Variants in DIS3L2 observed in about 807,000 individuals in gnomAD.
DIS3L2 encodes DIS3-like exonuclease 2.
In DIS3L2, 34 loss-of-function variants were observed where a neutral mutation model predicts 97.5. The ratio of observed to expected loss-of-function variants is 0.35; its 90% CI spans 0.27 to 0.46. The LOEUF (loss-of-function observed/expected upper bound fraction) is 0.46, where lower values mean the gene tolerates loss of function less well. Ranked by LOEUF, DIS3L2 falls within the 20% of genes least tolerant of loss-of-function variation. The probability of loss-of-function intolerance (pLI) is 1.00; values close to 1 mark genes in which losing one functional copy is unlikely to be tolerated. For missense variants in DIS3L2, 1,038 were observed against 1,146.0 expected (o/e 0.91, Z 1.36); for synonymous variants, 435 against 445.2 (o/e 0.98, Z 0.29).
At chr2:232,049,440 AG>A (rs1695340203) in intron 5 of DIS3L2, among the ~76,000 whole-genome samples, 1 of 152,144 alleles carries the variant, frequency 6.6e-6, no homozygotes, top group Admixed American at 6.5e-5. Flanking sequence ...TCATGAGGGT[AG>A]AGCCCTACTG....
At chr2:232,012,472 T>G (rs1159230814) in intron 1 of DIS3L2, among the ~76,000 whole-genome samples, 1 of 148,556 alleles carries the variant, frequency 6.7e-6, no homozygotes, top group African/African-American at 2.4e-5. Context: ...GATTGACATG[T>G]AGTGCCCCAT....
chr2:232,181,533 A>G (rs1475962829), intron 9 of DIS3L2, among the ~76,000 whole-genome samples: 1 of 151,876 alleles, frequency 6.6e-6, no homozygotes, highest in Non-Finnish European at 1.5e-5. Flanking sequence ...TTTTTTCTCT[A>G]AACTTCCCTT....
chr2:232,160,077 T>TTAG (rs1690607335), intron 8 of DIS3L2, among the ~76,000 whole-genome samples: 1 of 152,244 alleles, frequency 6.6e-6, no homozygotes, highest in Non-Finnish European at 1.5e-5. Flanking sequence ...ATGAGAGGTA[T>TTAG]TGATCTCATT....
Position 232,336,987 on chromosome 2 carries a change from T to A in DIS3L2, c.*357T>A, listed in dbSNP as rs1255220411. 4.5e-6 allele frequency: 5 copies of A among 1,118,906 alleles called. No individual in the cohort carries two copies. Among genetic ancestry groups the A allele is most frequent in the Non-Finnish European group, 5.5e-6 (5 of 910,910 alleles). 69.3% of individuals were successfully genotyped at this position (1,118,906 alleles called of 1,614,324 possible). On this transcript the variant is annotated 3_prime_UTR_variant, in exon 21 of 21. Transcript: ENST00000325385. ...CAAGTGTGGAGTGCCATCTGGTGTGTAGGGCGCCTCTGGGAAGCCTGGGCA... is the reference window on the plus strand; with the variant it reads ...CAAGTGTGGAGTGCCATCTGGTGTGAAGGGCGCCTCTGGGAAGCCTGGGCA...
chr2:232,288,942 A>T (rs761267176), intron 13 of DIS3L2, among the ~76,000 whole-genome samples: 3 of 152,228 alleles, frequency 2.0e-5, no homozygotes, highest in Non-Finnish European at 4.4e-5. Context: ...AAAGACAGAA[A>T]ATCAGAATGA....
chr2:232,252,289 A>G (rs1285427085), intron 12 of DIS3L2, among the ~76,000 whole-genome samples: 1 of 152,162 alleles, frequency 6.6e-6, no homozygotes, highest in African/African-American at 2.4e-5. Flanking sequence ...GGCACCTATA[A>G]TCTCAGCCAC....
At chr2:232,316,239 A>G (rs990303698) in intron 14 of DIS3L2, among the ~76,000 whole-genome samples, 4 of 152,176 alleles carry the variant, frequency 2.6e-5, no homozygotes, top group African/African-American at 4.8e-5. Context: ...GCTACCTAGA[A>G]TAAGAAGGAA....
At chr2:232,252,245 TA>T (rs1282587623) in intron 12 of DIS3L2, among the ~76,000 whole-genome samples, 1 of 152,068 alleles carries the variant, frequency 6.6e-6, no homozygotes, top group Non-Finnish European at 1.5e-5. Flanking sequence ...CCATCTCTAC[TA>T]AAAGTACAAA....
intron 12 of DIS3L2, among the ~76,000 whole-genome samples, chr2:232,256,326 C>T (rs184394153): frequency 1.3e-5 from 2 of 152,190 alleles, no homozygotes; most frequent in African/African-American, 4.8e-5. Context: ...TGCTGCAGGC[C>T]CCCTCCCCAG....
At chr2:231,998,791 G>A (rs967286657) in intron 1 of DIS3L2, among the ~76,000 whole-genome samples, 1 of 152,056 alleles carries the variant, frequency 6.6e-6, no homozygotes, top group African/African-American at 2.4e-5. Flanking sequence ...TATCACTTGC[G>A]ATACTGCTGT....
chr2:232,247,497 A>G (rs113994264), intron 11 of DIS3L2, among the ~76,000 whole-genome samples: 1,589 of 151,596 alleles, frequency 0.01, 37 homozygotes, highest in African/African-American at 0.037. Context: ...TTATAAAGTC[A>G]CCAGTCGTAT....
In DIS3L2 at chr2:232,024,340, A is replaced by G; in HGVS notation, c.264+10A>G. 1 of 1,584,132 alleles carries G rather than the reference A, an allele frequency of 6.3e-7. No homozygotes were observed. Among genetic ancestry groups the G allele is most frequent in the South Asian group, 1.2e-5 (1 of 86,916 alleles). ...CTTCATTCCTTCCCCGGTAAGTTCAATAAATTTATAATAAACTTTATGTCA... is the reference window on the plus strand; with the variant it reads ...CTTCATTCCTTCCCCGGTAAGTTCAGTAAATTTATAATAAACTTTATGTCA... On this transcript the variant is annotated intron_variant, in intron 4 of 20. Transcript: ENST00000325385.
intron 5 of DIS3L2, among the ~76,000 whole-genome samples, chr2:232,077,559 A>G (rs1700854183): frequency 6.6e-6 from 1 of 152,172 alleles, no homozygotes; most frequent in Non-Finnish European, 1.5e-5. Context: ...GTTTTATGTG[A>G]TGCCCATCCC....
chr2:232,114,890 A>G (rs1697653996), intron 6 of DIS3L2, among the ~76,000 whole-genome samples: 3 of 152,202 alleles, frequency 2.0e-5, no homozygotes. Flanking sequence ...ACAGTTATGG[A>G]GTATAAGAAG....
rs565458934 is a variant in DIS3L2, at chr2:232,047,217, T to C, written c.366+17137T>C. On this transcript the variant is annotated intron_variant, in intron 5 of 20. Transcript: ENST00000325385. ...GAAACACTTCAAAGTGCAAAGCACC[T>C]CCTCATAACTTGAGTGTTACTGTTT... Among the ~76,000 whole-genome samples, 4 of 152,354 alleles carry C rather than the reference T, an allele frequency of 2.6e-5. No individual in the cohort carries two copies. The South Asian group carries it at 8.3e-4, about 32-fold the overall frequency.
At chr2:232,245,291 G>T (rs1282842090) in intron 11 of DIS3L2, among the ~76,000 whole-genome samples, 2 of 152,176 alleles carry the variant, frequency 1.3e-5, no homozygotes, top group Non-Finnish European at 2.9e-5. Context: ...GTTGCGCCAT[G>T]GTCCAGGTGG....
At chr2:232,139,893 T>A (rs1417589713) in intron 8 of DIS3L2, among the ~76,000 whole-genome samples, 3 of 152,050 alleles carry the variant, frequency 2.0e-5, no homozygotes, top group Admixed American at 6.6e-5. Flanking sequence ...CAGGGGAGAT[T>A]AAGAAGGTAA....
chr2:232,111,851 A>G (rs1009866723), intron 6 of DIS3L2, among the ~76,000 whole-genome samples: 1 of 152,152 alleles, frequency 6.6e-6, no homozygotes, highest in African/African-American at 2.4e-5. Context: ...CAGCTATCTT[A>G]TGACTTGCTA....
At chr2:232,339,724 A>T (rs1417506457), downstream of DIS3L2, 1 of 456,262 alleles carries the variant, frequency 2.2e-6, no homozygotes, top group African/African-American at 2.0e-5. Flanking sequence ...CAGGAAAGCC[A>T]CATGGACGAG....
Sources: gnomAD v4.1 joint callset for allele counts (sites outside exome capture counted in the v4.1 genomes callset) on GRCh38, gnomAD v4.1.1 for gene constraint, MANE v1.5 for transcripts, NCBI Gene and HGNC (gene_info 2026-07-23, HGNC 2026-07-21) for gene names.